The following SLFN11 variants were observed in gnomAD, a reference collection of about 807,000 sequenced individuals.
SLFN11 encodes the protein schlafen family member 11.
In SLFN11, 43 loss-of-function variants were observed where a neutral mutation model predicts 53.4. The observed-to-expected ratio is 0.80, with a 90% CI of 0.63 to 1.04. The LOEUF is 1.04. SLFN11 is among the 50% of genes least tolerant of loss of function. The pLI, the probability that SLFN11 is intolerant of heterozygous loss-of-function variation, is 0.00. For synonymous variants in SLFN11, 389 were observed against 394.7 expected, an observed-to-expected ratio of 0.99 and a Z score of 0.17; for missense variants, 990 against 1,079.1, an observed-to-expected ratio of 0.92 and a Z score of 1.16.
chr17:35,363,391 AGAG>A lies in SLFN11; in HGVS notation c.414_416del (p.Ser139del). 6.2e-7 allele frequency: 1 copy of A among 1,614,034 alleles called. No homozygotes were observed. On this transcript the variant is annotated inframe_deletion, in exon 4 of 7. Transcript: ENST00000685675. ...CCTCTCTTGAGTCCATGGAACGCAC[AGAG>A]GTCTCAGATCTACGGTATAATGAAG...
chr17:35,372,065 C>A (rs6505468), intron 1 of SLFN11, among the ~76,000 whole-genome samples: 132,069 of 152,102 alleles, frequency 0.87, 58,380 homozygotes, highest in Middle Eastern at 0.97. Flanking sequence ...GATTTGGAAG[C>A]ACTCTAAGCG....
chr17:35,367,028 G>T lies in SLFN11; in HGVS notation c.-101C>A, dbSNP rs1247800975. On this transcript the variant is annotated 5_prime_UTR_variant, in exon 3 of 7. Transcript: ENST00000685675. The stretch of plus-strand genomic sequence containing the variant: ...CGAGATTGTGGTGAACCAAGATCGT[G>T]CCACTGCACTCCAGCCTGGGGGTCA... The T allele has an allele frequency of 6.7e-6, 1 of 150,168 alleles. No individual in the cohort carries two copies. The highest frequency in any genetic ancestry group is 2.0e-4 in the East Asian group (1 of 5,108). 9.3% of individuals were successfully genotyped at this position (150,168 alleles called of 1,614,324 possible).
At chr17:35,355,877 C>T (rs2141937901) in intron 5 of SLFN11, among the ~76,000 whole-genome samples, 1 of 152,248 alleles carries the variant, frequency 6.6e-6, no homozygotes, top group South Asian at 2.1e-4. Flanking sequence ...CCAGAACTCC[C>T]ATATTCATCC....
At chr17:35,369,530 G>C (rs1454989560) in intron 1 of SLFN11, among the ~76,000 whole-genome samples, 1 of 152,060 alleles carries the variant, frequency 6.6e-6, no homozygotes, top group Non-Finnish European at 1.5e-5. Flanking sequence ...TAGGGCCTGG[G>C]GGAACTTGCC....
At chr17:35,358,866 C>G (rs1429722701) in intron 5 of SLFN11, among the ~76,000 whole-genome samples, 3 of 151,670 alleles carry the variant, frequency 2.0e-5, no homozygotes, top group African/African-American at 4.8e-5. Flanking sequence ...TAAAAAATAG[C>G]TTAGGGCTGG....
intron 5 of SLFN11, among the ~76,000 whole-genome samples, chr17:35,359,769 G>A (rs1368285686): frequency 6.6e-6 from 1 of 152,100 alleles, no homozygotes; most frequent in African/African-American, 2.4e-5. Context: ...AATCTGGCAA[G>A]GGCAGGCAGT....
Position 35,353,961 on chromosome 17 carries a change from G to T in SLFN11, c.1297C>A (p.Pro433Thr), listed in dbSNP as rs140112516. Residue 433 changes from proline to threonine, a missense_variant, in exon 6 of 7, where the codon CCT becomes ACT. Physicochemically the swap from Pro to Thr is conservative, Grantham distance 38 (BLOSUM62 -1). Around this residue, in one of 3 missense-constraint regions of SLFN11, gnomAD observed 521 missense variants for 516.2 expected, o/e 1.01. Coordinates refer to ENST00000685675, the MANE Select transcript of SLFN11 (RefSeq NM_001376007.1). ...AAGATCAAAATTCCCCGAAAGAAAG[G>T]TTGCATTTGCTTATTTATTAACTCC... is the stretch of plus-strand genomic sequence containing the variant. ...LEELINKQMQ[P>T]FFRGILIFSR... 1 of 1,613,848 alleles carries T rather than the reference G, an allele frequency of 6.2e-7. No homozygotes were observed. The highest frequency in any genetic ancestry group is 1.7e-5 in the Admixed American group (1 of 59,996).
rs563663405 is a variant in SLFN11, at chr17:35,363,760, G to T, written c.48C>A (p.Asp16Glu). 3.7e-6 allele frequency: 6 copies of T among 1,608,400 alleles called. No homozygotes were observed. In the East Asian group the frequency reaches 1.1e-4, roughly 30 times the overall value. ...TCACTTCTCCTACATTGATGACCAG[G>T]TCTGGGTAAGATGGTTCCACAACCA... is the stretch of plus-strand genomic sequence containing the variant. Reference protein sequence around the residue: ...CPLVVEPSYPDLVINVGEVTL... With the variant: ...CPLVVEPSYPELVINVGEVTL... Residue 16 changes from aspartate (D) to glutamate (E), a missense_variant, in exon 4 of 7, where the codon GAC (aspartate) becomes GAA (glutamate). Physicochemically the swap from Asp to Glu is conservative, Grantham distance 45. Coordinates refer to ENST00000685675, the MANE Select transcript of SLFN11 (RefSeq NM_001376007.1).
chr17:35,366,220 T>C (rs936487912), intron 3 of SLFN11, among the ~76,000 whole-genome samples: 1 of 152,086 alleles, frequency 6.6e-6, no homozygotes, highest in Non-Finnish European at 1.5e-5. Context: ...AGGGATCGCA[T>C]TGATAGGAAC....
Position 35,353,371 on chromosome 17 carries a change from G to A in SLFN11, c.1887C>T (p.Tyr629=), listed in dbSNP as rs148267366. The A allele has an allele frequency of 6.3e-5, 102 of 1,607,308 alleles. No homozygotes were observed. The highest frequency in any genetic ancestry group is 4.0e-5 in the African/African-American group (3 of 74,414). ...TCCTCAGAGGCTGGTTTTCACAAAC[G>A]TAGAGAATTCTGTGTGCCTCACAGT... The part of the protein sequence containing the change: ...VFHCEAHRIL[Y]VCENQPLRNF... Residue 629 remains tyrosine (Y), a synonymous_variant, in exon 6 of 7, where the codon TAC becomes TAT. Transcript: ENST00000685675.
At chr17:35,364,822 T>C (rs374392694) in intron 3 of SLFN11, among the ~76,000 whole-genome samples, 3 of 152,250 alleles carry the variant, frequency 2.0e-5, no homozygotes, top group Admixed American at 6.5e-5. Context: ...TCTATATTAA[T>C]TGTCCATTTC....
Position 35,352,846 on chromosome 17 carries a change from T to G in SLFN11, c.2216A>C (p.Lys739Thr), listed in dbSNP as rs757850935. ...TACTTGCATTTCTTTTTGTAAGTAC[T>G]TGGCTATTGGATCTGCATTGCGAAC... is the stretch of plus-strand genomic sequence containing the variant. ...RIVRNADPIA[K>T]YLQKEMQVIR... Residue 739 changes from lysine (K) to threonine (T), a missense_variant, in exon 7 of 7, where the codon AAG (lysine) becomes ACG (threonine). Physicochemically the swap from Lys to Thr is moderately conservative, Grantham distance 78. Transcript: ENST00000685675. 2 of 1,614,252 alleles carry G rather than the reference T, an allele frequency of 1.2e-6. No individual in the cohort carries two copies. The highest frequency in any genetic ancestry group is 2.2e-5 in the South Asian group (2 of 91,076).
At position 35,354,049 on chromosome 17, in the gene SLFN11, T is replaced by A. The variant is rs1339367840; in HGVS notation, c.1209A>T (p.Gly403=). 6 of 1,607,850 alleles carry A rather than the reference T, an allele frequency of 3.7e-6. No homozygotes were observed. The highest frequency in any genetic ancestry group is 1.7e-4 in the Middle Eastern group (1 of 6,024). The stretch of plus-strand genomic sequence containing the variant: ...GTGACTCTGGAGTATATCGCAAATA[T>A]CCTGGTGGGACTGTATGTGAAAAGA... The part of the protein sequence containing the change: ...LQQLLFSVPP[G]YLRYTPESLW... The change falls in exon 6 of 7, where the codon GGA becomes GGT. Residue 403 remains glycine (G), a synonymous_variant. Coordinates refer to ENST00000685675, the MANE Select transcript of SLFN11 (RefSeq NM_001376007.1).
Position 35,352,568 on chromosome 17 carries a change from TC to T in SLFN11, c.2493del (p.Lys832ArgfsTer33). ...TCACTGAGCTGCACCACCCTTTTCT[TC>T]CTCATTGCTTTCAAGAGCTCATACT... Reference protein sequence around the residue: ...HYKYELLKAMRKKRVVQLSDA... With the variant: ...HYKYELLKAMXKKRVVQLSDA... On this transcript the variant is annotated frameshift_variant, in exon 7 of 7. Coordinates refer to ENST00000685675, the MANE Select transcript of SLFN11 (RefSeq NM_001376007.1). LOFTEE classifies it low-confidence loss of function (END_TRUNC). The T allele has an allele frequency of 3.1e-6, 5 of 1,614,176 alleles. No homozygotes were observed. Among genetic ancestry groups the T allele is most frequent in the Non-Finnish European group, 4.2e-6 (5 of 1,180,038 alleles).
chr17:35,364,526 G>A lies in SLFN11; in HGVS notation c.-19-700C>T, dbSNP rs189420313. On this transcript the variant is annotated intron_variant, in intron 3 of 6. Transcript: ENST00000685675. ...GTTTAGTAAAATTAAGGTTATTGGT[G>A]ACTTTGAAAAATGCTGTTCAGACAC... 1.2e-4 allele frequency among the ~76,000 whole-genome samples: 18 copies of A among 152,204 alleles called. No homozygotes were observed. The East Asian group carries it at 3.5e-3, about 29-fold the overall frequency.
intron 1 of SLFN11, among the ~76,000 whole-genome samples, chr17:35,373,166 C>G (rs1036605464): frequency 6.6e-6 from 1 of 152,068 alleles, no homozygotes; most frequent in African/African-American, 2.4e-5. Flanking sequence ...CTCCGCGCCC[C>G]GCAGAAACCG....
chr17:35,365,232 T>C (rs1256097219), intron 3 of SLFN11, among the ~76,000 whole-genome samples: 2 of 152,056 alleles, frequency 1.3e-5, no homozygotes, highest in African/African-American at 4.8e-5. Context: ...CACTTTTCTC[T>C]TTGAGGTAGG....
Position 35,363,119 on chromosome 17 carries a change from G to A in SLFN11, c.689C>T (p.Thr230Ile), listed in dbSNP as rs1908460249. ...AAATGCAGGGACGTATTCTGGAATT[G>A]TCCTTTTTACATATTCTTGGAAGTG... ...TKHFQEYVKR[T>I]IPEYVPAFAN... The change falls in exon 4 of 7, where the codon ACA (threonine) becomes ATA (isoleucine). Residue 230 changes from threonine to isoleucine, a missense_variant. This residue lies in a region of SLFN11 where 521 missense variants were observed against 516.2 expected (regional missense o/e 1.01). Coordinates refer to ENST00000685675, the MANE Select transcript of SLFN11 (RefSeq NM_001376007.1). The A allele has an allele frequency of 1.9e-6, 3 of 1,613,724 alleles. No homozygotes were observed. The highest frequency in any genetic ancestry group is 2.5e-6 in the Non-Finnish European group (3 of 1,179,914).
intron 1 of SLFN11, among the ~76,000 whole-genome samples, chr17:35,369,155 T>C (rs777717655): frequency 2.0e-5 from 3 of 151,912 alleles, no homozygotes; most frequent in Non-Finnish European, 2.9e-5. Context: ...GGTACCAGCT[T>C]AGCCACAGGG....
Sources: gnomAD v4.1 joint callset for allele counts (sites outside exome capture counted in the v4.1 genomes callset) on GRCh38, gnomAD v4.1.1 for gene constraint, gnomAD v4.1.1 regional missense constraint, MANE v1.5 for transcripts, NCBI Gene and HGNC (gene_info 2026-07-23, HGNC 2026-07-21) for gene names.